Variants in CLEC16A observed in about 807,000 individuals in gnomAD.
CLEC16A encodes the protein C-type lectin domain containing 16A, also known as protein CLEC16A.
A neutral mutation model predicts 109.5 loss-of-function variants in CLEC16A; 51 were observed. That is an observed-to-expected ratio of 0.47 (90% CI 0.37 to 0.59). The LOEUF (loss-of-function observed/expected upper bound fraction) is 0.59, where lower values mean the gene tolerates loss of function less well. CLEC16A is among the 20% of genes least tolerant of loss of function. The pLI, the probability that CLEC16A is intolerant of heterozygous loss-of-function variation, is 0.00. For missense variants in CLEC16A, 1,339 were observed against 1,394.0 expected, an observed-to-expected ratio of 0.96 and a Z score of 0.63; for synonymous variants, 673 against 564.2, an observed-to-expected ratio of 1.19 and a Z score of -2.73.
intron 19 of CLEC16A, among the ~76,000 whole-genome samples, chr16:11,117,441 A>T (rs575461958): frequency 1.2e-3 from 186 of 152,238 alleles, no homozygotes; most frequent in Admixed American, 4.1e-3. Flanking sequence ...AGTTTTTTTT[A>T]AAACATACAA....
chr16:11,056,338 C>T (rs1294685068), intron 18 of CLEC16A, among the ~76,000 whole-genome samples: 1 of 152,198 alleles, frequency 6.6e-6, no homozygotes, highest in Admixed American at 6.5e-5. Context: ...TGTGAAGTGA[C>T]AAGCCCAGGG....
intron 1 of CLEC16A, among the ~76,000 whole-genome samples, chr16:10,955,728 T>C (rs1480282472): frequency 6.6e-6 from 1 of 152,138 alleles, no homozygotes; most frequent in East Asian, 1.9e-4. Flanking sequence ...TGCTAATAGA[T>C]GTACACAGAA....
intron 22 of CLEC16A, among the ~76,000 whole-genome samples, chr16:11,148,125 AG>A (rs568333470): frequency 1.1e-4 from 17 of 152,216 alleles, no homozygotes; most frequent in Non-Finnish European, 2.2e-4. Context: ...TGGGAAAGAA[AG>A]AATTAGAATC....
chr16:11,027,191 A>C, intron 13 of CLEC16A: 1 of 1,379,354 alleles, frequency 7.2e-7, no homozygotes, highest in Non-Finnish European at 1.0e-6. Flanking sequence ...AATCATTCCT[A>C]CATGATTACT....
At chr16:11,018,205 C>T (rs1439863437) in intron 11 of CLEC16A, among the ~76,000 whole-genome samples, 2 of 151,168 alleles carry the variant, frequency 1.3e-5, no homozygotes, top group East Asian at 3.9e-4. Context: ...TACTCGGGAG[C>T]CCAGGTGGTC....
intron 19 of CLEC16A, among the ~76,000 whole-genome samples, chr16:11,092,625 T>TA (rs2050379062): frequency 6.6e-6 from 1 of 152,214 alleles, no homozygotes; most frequent in South Asian, 2.1e-4. Context: ...TTTTTGCAAA[T>TA]ACAGATTTGA....
chr16:11,043,278 G>A (rs1314497018), intron 15 of CLEC16A, among the ~76,000 whole-genome samples: 1 of 152,054 alleles, frequency 6.6e-6, no homozygotes, highest in East Asian at 1.9e-4. Context: ...GATTAGCCAG[G>A]ACATGCCTGT....
At chr16:11,143,536 C>T (rs904069482) in intron 22 of CLEC16A, among the ~76,000 whole-genome samples, 1 of 152,192 alleles carries the variant, frequency 6.6e-6, no homozygotes, top group Non-Finnish European at 1.5e-5. Flanking sequence ...CTCTACCTGG[C>T]AACCTTCATT....
intron 19 of CLEC16A, among the ~76,000 whole-genome samples, chr16:11,106,305 G>T (rs1260014550): frequency 6.6e-6 from 1 of 151,862 alleles, no homozygotes; most frequent in Admixed American, 6.6e-5. Flanking sequence ...ACTTTTTTGT[G>T]GGGGAGAGTT....
intron 19 of CLEC16A, among the ~76,000 whole-genome samples, chr16:11,109,108 C>CA (rs33997945): frequency 0.029 from 1,691 of 57,870 alleles, 43 homozygotes; most frequent in Non-Finnish European, 0.041. Flanking sequence ...GAGACTGTCT[C>CA]AAAAAAAAAA....
chr16:11,176,274 A>G (rs540567201), intron 23 of CLEC16A, among the ~76,000 whole-genome samples: 1 of 152,378 alleles, frequency 6.6e-6, no homozygotes, highest in South Asian at 2.1e-4. Context: ...ATTCGCATGT[A>G]GTGTTTACTC....
chr16:11,081,367 T>A (rs2049705462), intron 19 of CLEC16A, among the ~76,000 whole-genome samples: 1 of 152,154 alleles, frequency 6.6e-6, no homozygotes, highest in South Asian at 2.1e-4. Flanking sequence ...CCGCTGATGT[T>A]CCCAGGTTGC....
At chr16:10,986,191 C>T (rs899207772) in intron 10 of CLEC16A, among the ~76,000 whole-genome samples, 1 of 151,612 alleles carries the variant, frequency 6.6e-6, no homozygotes, top group African/African-American at 2.4e-5. Flanking sequence ...CCCCCACACC[C>T]GGCTCATTTT....
At chr16:11,124,618 G>A (rs917069190) in intron 21 of CLEC16A, among the ~76,000 whole-genome samples, 8 of 152,336 alleles carry the variant, frequency 5.3e-5, no homozygotes, top group Admixed American at 3.9e-4. Context: ...GGGCAGGAAG[G>A]CAAGGCCTTC....
intron 6 of CLEC16A, 142 bp from the exon 7 acceptor site, chr16:10,972,796 G>T: frequency 1.1e-6 from 1 of 928,726 alleles, no homozygotes; most frequent in South Asian, 1.8e-5. Context: ...AGTATTTCCA[G>T]GAAAGACAGA....
chr16:10,945,865 T>C (rs2041336879), intron 1 of CLEC16A, among the ~76,000 whole-genome samples: 1 of 152,226 alleles, frequency 6.6e-6, no homozygotes, highest in African/African-American at 2.4e-5. Flanking sequence ...TTTTTATTTA[T>C]ACTTATTTTC....
intron 18 of CLEC16A, among the ~76,000 whole-genome samples, chr16:11,056,073 A>G (rs1242559215): frequency 6.6e-6 from 1 of 152,234 alleles, no homozygotes; most frequent in Admixed American, 6.5e-5. Context: ...TCATGTTGAA[A>G]TGAAGGTCAC....
chr16:11,161,662 C>G (rs1444806146), intron 22 of CLEC16A, among the ~76,000 whole-genome samples: 3 of 152,214 alleles, frequency 2.0e-5, no homozygotes, highest in African/African-American at 7.2e-5. Flanking sequence ...ATTATCAACT[C>G]AAACGCCCAC....
rs201299338 is a variant in CLEC16A at position 11,024,935 on chromosome 16, C to T, written c.1537+14C>T. ...CTCATAATAAAGGTAAGCACCCTTG[C>T]CTTGCCTGACTTCCTTGCTGGGCCC... On this transcript the variant is annotated intron_variant, in intron 13 of 23. Coordinates refer to ENST00000409790, the MANE Select transcript of CLEC16A (RefSeq NM_015226.3). 1.9e-6 allele frequency: 3 copies of T among 1,578,030 alleles called. No homozygotes were observed. Among genetic ancestry groups the T allele is most frequent in the African/African-American group, 1.3e-5 (1 of 74,260 alleles).
Sources: allele counts gnomAD v4.1 joint callset (sites outside exome capture counted in the v4.1 genomes callset), GRCh38; gene constraint gnomAD v4.1.1; transcripts MANE v1.5; gene names NCBI Gene and HGNC (gene_info 2026-07-23, HGNC 2026-07-21).